The following GPHN variants were observed in gnomAD, a reference collection of about 807,000 sequenced individuals.
GPHN encodes the protein gephyrin.
A neutral mutation model predicts 95.5 loss-of-function variants in GPHN; 17 were observed. The observed-to-expected ratio is 0.18, with a 90% CI of 0.12 to 0.27. GPHN has a LOEUF of 0.27. GPHN is among the 10% of genes least tolerant of loss of function. The pLI, the probability that GPHN is intolerant of heterozygous loss-of-function variation, is 1.00. For synonymous variants in GPHN, 320 were observed against 322.5 expected (o/e 0.99, Z 0.08); for missense variants, 660 against 978.1 (o/e 0.67, Z 4.34).
At chr14:66,787,772 CA>C (rs554568137) in intron 3 of GPHN, among the ~76,000 whole-genome samples, 269 of 130,454 alleles carry the variant, frequency 2.1e-3, no homozygotes, top group African/African-American at 3.3e-3. Context: ...AATCAACAGG[CA>C]AAAAAAAAAA....
intron 1 of GPHN, among the ~76,000 whole-genome samples, chr14:66,591,194 A>G (rs1466090265): frequency 2.0e-5 from 3 of 152,212 alleles, no homozygotes; most frequent in African/African-American, 4.8e-5. Context: ...CCCGCAGCCA[A>G]TATAATACTG....
chr14:66,613,992 T>C (rs1248202983), intron 1 of GPHN, among the ~76,000 whole-genome samples: 1 of 152,144 alleles, frequency 6.6e-6, no homozygotes, highest in African/African-American at 2.4e-5. Context: ...TTATGTCTTA[T>C]CTCTCCCGGC....
chr14:67,599,703 G>C, the GPHN span, among the ~76,000 whole-genome samples: 1 of 152,108 alleles, frequency 6.6e-6, no homozygotes, highest in South Asian at 2.1e-4. Context: ...AAATTACTGC[G>C]CGCCTATACT....
At chr14:67,352,296 C>G in the GPHN span, among the ~76,000 whole-genome samples, 2 of 151,706 alleles carry the variant, frequency 1.3e-5, no homozygotes, top group Non-Finnish European at 2.9e-5. Context: ...ATAGTGAGAC[C>G]TCGTCTCTAC....
At chr14:66,854,760 T>C (rs1239573608) in intron 4 of GPHN, among the ~76,000 whole-genome samples, 7 of 152,210 alleles carry the variant, frequency 4.6e-5, no homozygotes, top group Non-Finnish European at 1.0e-4. Context: ...TCATTGAAAG[T>C]GTAAAATTTA....
intron 9 of GPHN, chr14:66,985,585 T>C (rs1292879887): frequency 2.7e-6 from 2 of 730,426 alleles, no homozygotes; most frequent in Non-Finnish European, 4.7e-6. Flanking sequence ...GAGAGTCAAT[T>C]GATGTTTTTG....
chr14:67,214,652 C>G, the GPHN span, among the ~76,000 whole-genome samples: 1 of 151,884 alleles, frequency 6.6e-6, no homozygotes, highest in African/African-American at 2.4e-5. Context: ...GATGCGGGCT[C>G]TTTTTTGGTT....
chr14:67,668,780 G>T, the GPHN span, among the ~76,000 whole-genome samples: 1 of 152,200 alleles, frequency 6.6e-6, no homozygotes, highest in East Asian at 1.9e-4. Context: ...TGATTCAATA[G>T]GTCTGGGGTG....
At chr14:67,030,007 G>A (rs1446454622) in intron 10 of GPHN, among the ~76,000 whole-genome samples, 1 of 119,496 alleles carries the variant, frequency 8.4e-6, no homozygotes, top group Admixed American at 8.8e-5. Context: ...TTTTTTTTTG[G>A]CCCAGTCATT....
chr14:66,672,865 A>AT (rs1322031593), intron 1 of GPHN, among the ~76,000 whole-genome samples: 8 of 151,916 alleles, frequency 5.3e-5, no homozygotes, highest in African/African-American at 1.9e-4. Flanking sequence ...TACCCTGACA[A>AT]TCTCTGTTTT....
intron 10 of GPHN, among the ~76,000 whole-genome samples, chr14:67,030,478 C>G (rs2074142423): frequency 6.6e-6 from 1 of 152,144 alleles, no homozygotes; most frequent in African/African-American, 2.4e-5. Flanking sequence ...TTCTGCTTAT[C>G]TCTAGTTTTA....
At chr14:66,977,689 A>G (rs915739189) in intron 9 of GPHN, among the ~76,000 whole-genome samples, 2 of 152,210 alleles carry the variant, frequency 1.3e-5, no homozygotes, top group African/African-American at 4.8e-5. Context: ...TGAAACTACA[A>G]TGTATAGTTT....
the GPHN span, among the ~76,000 whole-genome samples, chr14:67,223,523 G>T: frequency 6.6e-6 from 1 of 152,210 alleles, no homozygotes; most frequent in African/African-American, 2.4e-5. Flanking sequence ...CGACAATCTA[G>T]CAGGCAGCTT....
At chr14:66,994,647 T>C (rs780304762) in intron 9 of GPHN, among the ~76,000 whole-genome samples, 2 of 152,298 alleles carry the variant, frequency 1.3e-5, no homozygotes, top group African/African-American at 2.4e-5. Flanking sequence ...CAAACTGTTT[T>C]GAAAGATAAA....
the GPHN span, among the ~76,000 whole-genome samples, chr14:67,403,382 A>G: frequency 2.0e-5 from 3 of 152,346 alleles, no homozygotes; most frequent in Admixed American, 2.0e-4. Flanking sequence ...TGGCAAACAG[A>G]GTCAGCAGTG....
At position 66,581,989 on chromosome 14, in the gene GPHN, A is replaced by G. The variant is rs112803092; in HGVS notation, c.64+73398A>G. On this transcript the variant is annotated intron_variant, in intron 1 of 22. Coordinates refer to ENST00000478722, the MANE Select transcript of GPHN (RefSeq NM_020806.5). ...AAATAATGAACAGATCATCCAGACA[A>G]AAAATGATATAGAACTTGAACTACA... is the stretch of plus-strand genomic sequence containing the variant. Among the ~76,000 whole-genome samples, 549 of 152,098 alleles carry G rather than the reference A, an allele frequency of 3.6e-3. 10 individuals are homozygous for G. Among genetic ancestry groups the G allele is most frequent in the African/African-American group, 0.013 (523 of 41,544 alleles).
the GPHN span, among the ~76,000 whole-genome samples, chr14:67,514,731 T>G: frequency 5.3e-5 from 8 of 151,478 alleles, no homozygotes; most frequent in Non-Finnish European, 1.2e-4. Context: ...GAAGAGGAGG[T>G]GTCAACCTAC....
At chr14:67,348,967 T>C in the GPHN span, 2 of 1,431,976 alleles carry the variant, frequency 1.4e-6, no homozygotes, top group South Asian at 1.2e-5. Context: ...GATCTTGCTG[T>C]ATAAACAGGT....
chr14:67,548,426 G>A, the GPHN span, among the ~76,000 whole-genome samples: 14 of 152,276 alleles, frequency 9.2e-5, no homozygotes, highest in South Asian at 2.7e-3. Context: ...GGCCAGGAGT[G>A]GTGGCTTACA....
Sources: gnomAD v4.1 joint callset for allele counts (sites outside exome capture counted in the v4.1 genomes callset) on GRCh38, gnomAD v4.1.1 for gene constraint, MANE v1.5 for transcripts, NCBI Gene and HGNC (gene_info 2026-07-23, HGNC 2026-07-21) for gene names.